MYPN: variants seen among roughly 807,000 people sequenced by gnomAD.
MYPN encodes the protein sarcomeric protein myopalladin, 145 kDa (MYOP).
Under a neutral mutation model 129.4 loss-of-function variants are expected in MYPN, and 63 were observed. The ratio of observed to expected loss-of-function variants is 0.49; its 90% CI spans 0.40 to 0.60. The LOEUF is 0.60. Ranked by LOEUF, MYPN falls within the 20% of genes least tolerant of loss-of-function variation. MYPN has a pLI of 0.00. For synonymous variants in MYPN, 629 were observed against 600.9 expected (o/e 1.05, Z -0.68); for missense variants, 1,596 against 1,635.4 (o/e 0.98, Z 0.42).
chr10:68,115,711 C>T (rs1263020267), intron 1 of MYPN, among the ~76,000 whole-genome samples: 2 of 152,206 alleles, frequency 1.3e-5, no homozygotes, highest in Non-Finnish European at 2.9e-5. Flanking sequence ...TCCCTTCACA[C>T]GTTTAATAAA....
intron 9 of MYPN, 89 bp from the exon 10 acceptor site, chr10:68,166,205 C>T: frequency 6.7e-7 from 1 of 1,482,914 alleles, no homozygotes. Context: ...TCATACATTC[C>T]TCTGGTGTGA....
chr10:68,185,706 G>A (rs1352191514), intron 12 of MYPN, among the ~76,000 whole-genome samples: 1 of 152,100 alleles, frequency 6.6e-6, no homozygotes, highest in African/African-American at 2.4e-5. Flanking sequence ...CACATGGTAA[G>A]GGAATAAAAT....
chr10:68,128,961 TAGAG>T (rs927121200), intron 2 of MYPN, among the ~76,000 whole-genome samples: 3 of 151,916 alleles, frequency 2.0e-5, no homozygotes, highest in African/African-American at 7.2e-5. Flanking sequence ...GAGATAAGCA[TAGAG>T]AGAGACTAGA....
chr10:68,206,685 T>C, intron 18 of MYPN, 85 bp from the exon 19 acceptor site: 1 of 1,579,394 alleles, frequency 6.3e-7, no homozygotes. Flanking sequence ...TAAGCTGAGT[T>C]CCCCCTTCTT....
intron 1 of MYPN, among the ~76,000 whole-genome samples, chr10:68,118,619 G>A (rs375948278): frequency 5.3e-5 from 8 of 152,098 alleles, no homozygotes; most frequent in African/African-American, 1.9e-4. Context: ...ATCACTTGAG[G>A]TTCTTTGAGT....
intron 12 of MYPN, among the ~76,000 whole-genome samples, chr10:68,182,620 C>T (rs190165632): frequency 1.0e-3 from 158 of 151,348 alleles, no homozygotes; most frequent in African/African-American, 3.6e-3. Flanking sequence ...GATTCTCATG[C>T]CTCAGCCTCC....
chr10:68,128,723 C>T (rs997335020), intron 2 of MYPN, among the ~76,000 whole-genome samples: 4 of 152,090 alleles, frequency 2.6e-5, no homozygotes, highest in Non-Finnish European at 5.9e-5. Flanking sequence ...AGGGACCAAA[C>T]CTCATGGGTT....
chr10:68,094,859 C>G (rs1178596700), intron 1 of MYPN, among the ~76,000 whole-genome samples: 10 of 152,098 alleles, frequency 6.6e-5, no homozygotes, highest in African/African-American at 2.2e-4. Context: ...GTCAGGAGTT[C>G]GAGACCAGTC....
Position 68,211,039 on chromosome 10 carries a change from A to G in MYPN, c.*584A>G. ...GCATATCCTGGGTGTACTGAGCCAC[A>G]TAATAAGGTGTCAAAATGTGCTTGA... On this transcript the variant is annotated 3_prime_UTR_variant, in exon 20 of 20. Coordinates refer to ENST00000358913, the MANE Select transcript of MYPN (RefSeq NM_032578.4). 2.2e-6 allele frequency: 1 copy of G among 454,138 alleles called. No homozygotes were observed. Among genetic ancestry groups the G allele is most frequent in the Non-Finnish European group, 4.4e-6 (1 of 226,794 alleles). 28.1% of individuals were successfully genotyped at this position (454,138 alleles called of 1,614,324 possible).
upstream of MYPN, among the ~76,000 whole-genome samples, chr10:68,105,312 A>G (rs1379901316): frequency 6.6e-6 from 1 of 152,220 alleles, no homozygotes; most frequent in African/African-American, 2.4e-5. Flanking sequence ...AAAGGAATCT[A>G]TTAAATAAAA....
intron 10 of MYPN, among the ~76,000 whole-genome samples, chr10:68,173,098 A>G (rs967349194): frequency 2.6e-5 from 4 of 152,184 alleles, no homozygotes; most frequent in Non-Finnish European, 5.9e-5. Flanking sequence ...AAAAACAAAA[A>G]TAATGATGCC....
At chr10:68,116,966 T>G (rs575300839) in intron 1 of MYPN, among the ~76,000 whole-genome samples, 2 of 152,120 alleles carry the variant, frequency 1.3e-5, no homozygotes, top group Non-Finnish European at 2.9e-5. Flanking sequence ...ATACCTGTAA[T>G]CCCAACACTT....
At chr10:68,209,671 C>CTTTTTTTTTTTTTTTTTTTTTTGTTT (rs35392300) in intron 19 of MYPN, among the ~76,000 whole-genome samples, 1 of 131,238 alleles carries the variant, frequency 7.6e-6, no homozygotes, top group Non-Finnish European at 1.6e-5. Flanking sequence ...GAATTCTTTT[C>CTTTTTTTTTTTTTTTTTTTTTTGTTT]TTTTTTTTTT....
At chr10:68,196,492 T>TTTTTTTTC (rs1443527610) in intron 15 of MYPN, among the ~76,000 whole-genome samples, 1 of 104,302 alleles carries the variant, frequency 9.6e-6, no homozygotes, top group Non-Finnish European at 2.4e-5. Flanking sequence ...TCTTTTTTTT[T>TTTTTTTTC]TTTTTTTTGA....
At chr10:68,161,939 G>T (rs912731313) in intron 8 of MYPN, 187 bp downstream of exon 8, 2 of 468,836 alleles carry the variant, frequency 4.3e-6, no homozygotes, top group African/African-American at 4.0e-5. Context: ...GAGGCGGGCG[G>T]ATTACTTGAG....
At position 68,210,743 on chromosome 10, in the gene MYPN, C is replaced by T. The variant is rs758771751; in HGVS notation, c.*288C>T. 35 of 524,108 alleles carry T rather than the reference C, an allele frequency of 6.7e-5. No individual in the cohort carries two copies. The highest frequency in any genetic ancestry group is 6.7e-4 in the African/African-American group (35 of 52,612). The allele number at this position is 524,108 out of a possible 1,614,324, so 32.5% of individuals were successfully genotyped here. A position where few individuals can be genotyped will look rare whatever the true frequency, so the allele number is the denominator to read the frequency against. On this transcript the variant is annotated 3_prime_UTR_variant, in exon 20 of 20. Transcript: ENST00000358913. Reference sequence around the variant, plus strand: ...ACTGCTTTGGGAAAAAACTAGCATGCTCCCCTGCTCCCTGTTGTGTTAGGG... The same window carrying T: ...ACTGCTTTGGGAAAAAACTAGCATGTTCCCCTGCTCCCTGTTGTGTTAGGG...
chr10:68,194,266 A>C, intron 13 of MYPN, 97 bp from the exon 14 acceptor site: 4 of 1,319,596 alleles, frequency 3.0e-6, no homozygotes, highest in Non-Finnish European at 4.3e-6. Context: ...TGGTCACTTA[A>C]AAGATGGCAG....
At chr10:68,191,584 C>A (rs886216378) in intron 13 of MYPN, among the ~76,000 whole-genome samples, 2 of 152,130 alleles carry the variant, frequency 1.3e-5, no homozygotes, top group African/African-American at 2.4e-5. Flanking sequence ...ATCTGTATAT[C>A]ACGTTGAGCA....
Position 68,210,229 on chromosome 10 carries a change from C to T in MYPN, c.3794-57C>T, listed in dbSNP as rs10998022. The T allele has an allele frequency of 0.31, 499,294 of 1,588,118 alleles. 80,865 individuals are homozygous for T. The highest frequency in any genetic ancestry group is 0.42 in the East Asian group (18,577 of 44,732). On this transcript the variant is annotated intron_variant, in intron 19 of 19. Coordinates refer to ENST00000358913, the MANE Select transcript of MYPN (RefSeq NM_032578.4). ...GTGAGGACAGAATGCACCTCTGCAG[C>T]GTACATGCTGGACTGCATTCCTTTG...
Sources: gnomAD v4.1 joint callset for allele counts (sites outside exome capture counted in the v4.1 genomes callset) on GRCh38, gnomAD v4.1.1 for gene constraint, MANE v1.5 for transcripts, NCBI Gene and HGNC (gene_info 2026-07-23, HGNC 2026-07-21) for gene names.